Variants in DSPP observed in about 807,000 individuals in gnomAD.
The protein encoded by DSPP is dentin sialophosphoprotein.
Under a neutral mutation model 29.1 loss-of-function variants are expected in DSPP, and 28 were observed. That is an observed-to-expected ratio of 0.96 (90% CI 0.71 to 1.32). DSPP has a LOEUF of 1.32. DSPP is among the 40% of genes most tolerant of loss of function. The probability of loss-of-function intolerance (pLI) is 0.00; values close to 1 mark genes in which losing one functional copy is unlikely to be tolerated. For missense variants in DSPP, 1,281 were observed against 1,629.9 expected, an observed-to-expected ratio of 0.79 and a Z score of 3.69; for synonymous variants, 481 against 503.4, an observed-to-expected ratio of 0.96 and a Z score of 0.60.
At chr4:87,613,454 T>C in intron 4 of DSPP, 146 bp downstream of exon 4, 1 of 1,003,256 alleles carries the variant, frequency 1.0e-6, no homozygotes, top group Admixed American at 2.3e-5. Flanking sequence ...CTAGAGTCCT[T>C]ACTAGACTTC....
Position 87,614,043 on chromosome 4 carries a change from C to A in DSPP, c.1381C>A (p.Gln461Lys). Residue 461 changes from glutamine to lysine, a missense_variant, in exon 5 of 5, where the codon CAA (glutamine) becomes AAA (lysine). Gln to Lys is a moderately conservative substitution (Grantham distance 53). Transcript: ENST00000651931. Reference sequence around the variant, plus strand: ...TTATGATTTTGATGATAAGTCCATGCAAGGAGATGATCCCAATAGCAGTGA... The same window carrying A: ...TTATGATTTTGATGATAAGTCCATGAAAGGAGATGATCCCAATAGCAGTGA... ...DSYDFDDKSM[Q>K]GDDPNSSDES... The A allele has an allele frequency of 3.1e-6, 5 of 1,614,170 alleles. No homozygotes were observed. In the South Asian group the frequency reaches 5.5e-5, roughly 18 times the overall value.
chr4:87,610,630 C>G (rs115814295), intron 1 of DSPP, among the ~76,000 whole-genome samples: 1 of 152,058 alleles, frequency 6.6e-6, no homozygotes, highest in Non-Finnish European at 1.5e-5. Flanking sequence ...ACAGCTATGC[C>G]CTTTGTACCT....
At position 87,616,109 on chromosome 4, in the gene DSPP, A is replaced by AAGCAGCGACAGCAGCGAT. The variant is rs1387872889; in HGVS notation, c.3461_3462insCGATAGCAGCGACAGCAG (p.Asp1173_Ser1178dup). ...GCAGTGACAGCAGTGACAGCAGTGAAAGCAGCGACAGCAGTGACAGCAGCG... is the reference window on the plus strand; with the variant it reads ...GCAGTGACAGCAGTGACAGCAGTGAAAGCAGCGACAGCAGCGATAGCAGCGACAGCAGTGACAGCAGCG... On this transcript the variant is annotated inframe_insertion, in exon 5 of 5. Coordinates refer to ENST00000651931, the MANE Select transcript of DSPP (RefSeq NM_014208.3). 0.014 allele frequency: 8,513 copies of AAGCAGCGACAGCAGCGAT among 596,758 alleles called. 2,640 individuals carry two copies. Among genetic ancestry groups the AAGCAGCGACAGCAGCGAT allele is most frequent in the East Asian group, 0.074 (654 of 8,842 alleles). The allele number at this position is 596,758 out of a possible 1,614,324, so 37.0% of individuals were successfully genotyped here.
intron 4 of DSPP, 90 bp downstream of exon 4, chr4:87,613,398 C>A: frequency 6.8e-7 from 1 of 1,464,104 alleles, no homozygotes; most frequent in South Asian, 1.2e-5. Flanking sequence ...CCATGACAAG[C>A]ATCCATGTAT....
Position 87,613,036 on chromosome 4 carries a change from G to C in DSPP, c.850G>C (p.Asp284His). 6.2e-7 allele frequency: 1 copy of C among 1,614,126 alleles called. No individual in the cohort carries two copies. Among genetic ancestry groups the C allele is most frequent in the Non-Finnish European group, 8.5e-7 (1 of 1,180,036 alleles). Reference protein sequence around the residue: ...SNNSKGQEGQDHGKEDDHDSS... With the variant: ...SNNSKGQEGQHHGKEDDHDSS... Reference sequence around the variant, plus strand: ...TAACAGCAAGGGCCAGGAGGGCCAGGACCATGGGAAAGAAGATGATCATGA... The same window carrying C: ...TAACAGCAAGGGCCAGGAGGGCCAGCACCATGGGAAAGAAGATGATCATGA... The change falls in exon 4 of 5, where the codon GAC becomes CAC. Residue 284 changes from aspartate (D) to histidine (H), a missense_variant. Asp to His is a moderately conservative substitution (Grantham distance 81). This residue lies in a region of DSPP where 631 missense variants were observed against 643.2 expected (regional missense o/e 0.98). Transcript: ENST00000651931.
At position 87,613,208 on chromosome 4, in the gene DSPP, T is replaced by C. The variant is rs768506046; in HGVS notation, c.1022T>C (p.Ile341Thr). 4.3e-6 allele frequency: 7 copies of C among 1,613,734 alleles called. No homozygotes were observed. Among genetic ancestry groups the C allele is most frequent in the Non-Finnish European group, 5.1e-6 (6 of 1,180,004 alleles). The change falls in exon 4 of 5, where the codon ATA becomes ACA. Residue 341 changes from isoleucine to threonine, a missense_variant. Around this residue, in one of 4 missense-constraint regions of DSPP, gnomAD observed 631 missense variants for 643.2 expected, o/e 0.98. Transcript: ENST00000651931. ...GIPEDNGSQR[I>T]EDTQKLNHRE... ...CCAGAAGACAATGGCAGCCAAAGAA[T>C]AGAGGACACCCAGAAGCTCAACCAT...
chr4:87,612,009 A>ATT (rs1324367494), intron 2 of DSPP, 96 bp from the exon 3 acceptor site: 2 of 1,149,864 alleles, frequency 1.7e-6, no homozygotes, highest in Non-Finnish European at 2.5e-6. Context: ...AGGGAAGAAT[A>ATT]TTTGTGTGTG....
rs199906213 is a variant in DSPP at position 87,613,851 on chromosome 4, G to A, written c.1189G>A (p.Glu397Lys). 3 of 1,614,022 alleles carry A rather than the reference G, an allele frequency of 1.9e-6. No individual in the cohort carries two copies. Among genetic ancestry groups the A allele is most frequent in the Non-Finnish European group, 2.5e-6 (3 of 1,180,022 alleles). ...NITKEVGKGNEGKEDKGQHGM... is the reference protein window; with the variant it reads ...NITKEVGKGNKGKEDKGQHGM... ...TACCAAAGAAGTTGGGAAAGGCAACGAAGGTAAAGAGGATAAAGGACAACA... is the reference window on the plus strand; with the variant it reads ...TACCAAAGAAGTTGGGAAAGGCAACAAAGGTAAAGAGGATAAAGGACAACA... Residue 397 changes from glutamate (E) to lysine (K), a missense_variant, in exon 5 of 5, where the codon GAA becomes AAA. This residue lies in a region of DSPP where 631 missense variants were observed against 643.2 expected (regional missense o/e 0.98). Coordinates refer to ENST00000651931, the MANE Select transcript of DSPP (RefSeq NM_014208.3).
At chr4:87,608,651 C>A (rs1478873609) in intron 1 of DSPP, 31 bp downstream of exon 1, 1 of 152,128 alleles carries the variant, frequency 6.6e-6, no homozygotes, top group Non-Finnish European at 1.5e-5. Context: ...TACTCAGAAC[C>A]AACTGATTCA....
chr4:87,612,235 T>C, intron 3 of DSPP, 47 bp downstream of exon 3: 1 of 1,612,280 alleles, frequency 6.2e-7, no homozygotes, highest in East Asian at 2.2e-5. Context: ...TCTGAGTTGC[T>C]ACATTCCATT....
In DSPP at chr4:87,612,721, G is replaced by A; in HGVS notation, c.535G>A (p.Val179Ile). ...DAGHNEDVAV[V>I]QEDGPQVAGS... ...AGGTCACAATGAGGATGTCGCTGTT[G>A]TCCAAGAAGATGGACCTCAAGTAGC... is the stretch of plus-strand genomic sequence containing the variant. The change falls in exon 4 of 5, where the codon GTC becomes ATC. Residue 179 changes from valine (V) to isoleucine (I), a missense_variant. Physicochemically the swap from Val to Ile is conservative, Grantham distance 29 (BLOSUM62 3). Around this residue, in one of 4 missense-constraint regions of DSPP, gnomAD observed 631 missense variants for 643.2 expected, o/e 0.98. Transcript: ENST00000651931. The A allele has an allele frequency of 6.2e-7, 1 of 1,614,182 alleles. No individual in the cohort carries two copies. Among genetic ancestry groups the A allele is most frequent in the Non-Finnish European group, 8.5e-7 (1 of 1,180,026 alleles).
Position 87,616,400 on chromosome 4 carries a change from C to G in DSPP, c.3738C>G (p.Ser1246Arg). ...DSSDSSDSSD[S>R]SNSSDSSDSS... ...GTGACAGCAGCGATAGCAGTGACAG[C>G]AGCAACAGCAGTGACAGCAGCGACA... is the stretch of plus-strand genomic sequence containing the variant. The change falls in exon 5 of 5, where the codon AGC becomes AGG. Residue 1246 changes from serine (S) to arginine (R), a missense_variant. Around this residue, in one of 4 missense-constraint regions of DSPP, gnomAD observed 134 missense variants for 185.0 expected, o/e 0.72. Transcript: ENST00000651931. 6.7e-7 allele frequency: 1 copy of G among 1,500,244 alleles called. No homozygotes were observed. The highest frequency in any genetic ancestry group is 9.1e-7 in the Non-Finnish European group (1 of 1,103,656). 92.9% of individuals were successfully genotyped at this position (1,500,244 alleles called of 1,614,324 possible).
chr4:87,612,040 TGC>T, intron 2 of DSPP, 63 bp from the exon 3 acceptor site: 1 of 1,197,500 alleles, frequency 8.4e-7, no homozygotes, highest in Non-Finnish European at 1.2e-6. Flanking sequence ...TGTGTGTGTG[TGC>T]ACGCTCACAC....
chr4:87,616,296 GAC>G lies in DSPP; in HGVS notation c.3636_3637del (p.Asp1212GlufsTer6), dbSNP rs1158540190. The G allele has an allele frequency of 1.5e-6, 2 of 1,338,406 alleles. No individual in the cohort carries two copies. The highest frequency in any genetic ancestry group is 2.0e-6 in the Non-Finnish European group (2 of 1,008,984). 82.9% of individuals were successfully genotyped at this position (1,338,406 alleles called of 1,614,324 possible). On this transcript the variant is annotated frameshift_variant, in exon 5 of 5. Transcript: ENST00000651931. LOFTEE classifies it low-confidence loss of function (END_TRUNC). ...TAGTAGTGATAGCAGTGACAGCAGT[GAC>G]AGCAGCGACAGCAGTGACAGCAGCG... ...SDSSDSSDSS[D>X]SSDSSDSSDS...
In DSPP at chr4:87,612,397, A is replaced by G; in HGVS notation, c.211A>G (p.Asn71Asp). The part of the protein sequence containing the change: ...VHEGDRGRQE[N>D]TQDGHKGEGN... ...TGAAGGTGATAGAGGAAGGCAAGAG[A>G]ATACCCAAGATGGTCACAAGGGAGA... is the stretch of plus-strand genomic sequence containing the variant. Residue 71 changes from asparagine to aspartate, a missense_variant, in exon 4 of 5, where the codon AAT becomes GAT. By Grantham distance (23) the Asn-to-Asp change is conservative (BLOSUM62 1). Coordinates refer to ENST00000651931, the MANE Select transcript of DSPP (RefSeq NM_014208.3). 1 of 1,614,134 alleles carries G rather than the reference A, an allele frequency of 6.2e-7. No homozygotes were observed. Among genetic ancestry groups the G allele is most frequent in the Non-Finnish European group, 8.5e-7 (1 of 1,179,996 alleles).
At position 87,613,167 on chromosome 4, in the gene DSPP, G is replaced by T. The variant is rs778282028; in HGVS notation, c.981G>T (p.Glu327Asp). The T allele has an allele frequency of 2.2e-5, 35 of 1,614,154 alleles. No individual in the cohort carries two copies. Among genetic ancestry groups the T allele is most frequent in the South Asian group, 6.6e-5 (6 of 91,070 alleles). Residue 327 changes from glutamate to aspartate, a missense_variant, in exon 4 of 5, where the codon GAG becomes GAT. This residue lies in a region of DSPP where 631 missense variants were observed against 643.2 expected (regional missense o/e 0.98). Transcript: ENST00000651931. ...GAGACAAGACCTCCAAGAGTGAGGA[G>T]AATTCTGCTGGTATTCCAGAAGACA... is the stretch of plus-strand genomic sequence containing the variant. Reference protein sequence around the residue: ...VDGDKTSKSEENSAGIPEDNG... With the variant: ...VDGDKTSKSEDNSAGIPEDNG...
In DSPP at chr4:87,612,585, A is replaced by C; in HGVS notation, c.399A>C (p.Ala133=). ...GIHGKEENIT[A]NGIQGQVSII... ...ATGGGAAAGAAGAAAACATCACAGCAAATGGCATCCAGGGACAAGTAAGCA... is the reference window on the plus strand; with the variant it reads ...ATGGGAAAGAAGAAAACATCACAGCCAATGGCATCCAGGGACAAGTAAGCA... Residue 133 remains alanine (A), a synonymous_variant, in exon 4 of 5, where the codon GCA becomes GCC. Transcript: ENST00000651931. 6.2e-7 allele frequency: 1 copy of C among 1,614,186 alleles called. No individual in the cohort carries two copies. The highest frequency in any genetic ancestry group is 8.5e-7 in the Non-Finnish European group (1 of 1,180,012).
At position 87,610,864 on chromosome 4, in the gene DSPP, G is replaced by T. The variant is rs1214093401; in HGVS notation, c.-28-17G>T. On this transcript the variant is annotated splice_polypyrimidine_tract_variant and intron_variant, in intron 1 of 4. Transcript: ENST00000651931. The stretch of plus-strand genomic sequence containing the variant: ...TTTACTTTATAAGTAATTTTGTGCT[G>T]TTCCTTTTTTATACAGCCATTGATT... The T allele has an allele frequency of 3.9e-6, 6 of 1,530,686 alleles. No individual in the cohort carries two copies. Among genetic ancestry groups the T allele is most frequent in the Non-Finnish European group, 5.4e-6 (6 of 1,104,492 alleles). The allele number at this position is 1,530,686 out of a possible 1,614,324, so 94.8% of individuals were successfully genotyped here.
chr4:87,616,294 G>C lies in DSPP; in HGVS notation c.3632G>C (p.Ser1211Thr), dbSNP rs934750034. The change falls in exon 5 of 5, where the codon AGT becomes ACT. Residue 1211 changes from serine to threonine, a missense_variant. Transcript: ENST00000651931. Reference sequence around the variant, plus strand: ...GATAGTAGTGATAGCAGTGACAGCAGTGACAGCAGCGACAGCAGTGACAGC... The same window carrying C: ...GATAGTAGTGATAGCAGTGACAGCACTGACAGCAGCGACAGCAGTGACAGC... The part of the protein sequence containing the change: ...SSDSSDSSDS[S>T]DSSDSSDSSD... The C allele has an allele frequency of 7.2e-7, 1 of 1,379,978 alleles. No homozygotes were observed. Among genetic ancestry groups the C allele is most frequent in the Non-Finnish European group, 9.6e-7 (1 of 1,040,860 alleles). 85.5% of individuals were successfully genotyped at this position (1,379,978 alleles called of 1,614,324 possible).
Sources: gnomAD v4.1 joint callset for allele counts (sites outside exome capture counted in the v4.1 genomes callset) on GRCh38, gnomAD v4.1.1 for gene constraint, gnomAD v4.1.1 regional missense constraint, MANE v1.5 for transcripts, NCBI Gene and HGNC (gene_info 2026-07-23, HGNC 2026-07-21) for gene names.